Variants in KANSL1 observed in about 807,000 individuals in gnomAD.
The protein encoded by KANSL1 is KAT8 regulatory NSL complex subunit 1.
Under a neutral mutation model 103.6 loss-of-function variants are expected in KANSL1, and 22 were observed. The ratio of observed to expected loss-of-function variants is 0.21; its 90% CI spans 0.15 to 0.30. The LOEUF is 0.30. Ranked by LOEUF, KANSL1 falls within the 10% of genes least tolerant of loss-of-function variation. The pLI is 1.00. For synonymous variants in KANSL1, 600 were observed against 527.6 expected (o/e 1.14, Z -1.88); for missense variants, 1,337 against 1,399.8 (o/e 0.96, Z 0.72).
intron 13 of KANSL1, 162 bp downstream of exon 13, chr17:46,032,918 T>C: frequency 1.6e-6 from 1 of 610,856 alleles, no homozygotes; most frequent in East Asian, 2.8e-5. Flanking sequence ...TCTCCACTAG[T>C]TCCAACAAAC....
Position 46,104,594 on chromosome 17 carries a change from C to CA in KANSL1, c.1290-9894dup, listed in dbSNP as rs551393564. On this transcript the variant is annotated intron_variant, in intron 2 of 14. Coordinates refer to ENST00000432791, the MANE Select transcript of KANSL1 (RefSeq NM_015443.4). ...CACATGTAGTTTACAAGTAAATTTG[C>CA]AAAAAATATAAACAATATGAGAGAG... Among the ~76,000 whole-genome samples, 30 of 152,168 alleles carry CA rather than the reference C, an allele frequency of 2.0e-4. 1 individual carries two copies. In the East Asian group the frequency reaches 5.6e-3, roughly 28 times the overall value.
chr17:46,151,191 C>T (rs2045078900), intron 2 of KANSL1, among the ~76,000 whole-genome samples: 1 of 152,200 alleles, frequency 6.6e-6, no homozygotes, highest in African/African-American at 2.4e-5. Flanking sequence ...AACAACGATG[C>T]TTACAACAGC....
intron 1 of KANSL1, among the ~76,000 whole-genome samples, chr17:46,219,104 TA>T (rs1189250149): frequency 2.7e-5 from 4 of 147,862 alleles, no homozygotes; most frequent in Admixed American, 6.7e-5. Flanking sequence ...CTACTAAAAA[TA>T]AAAAAAAAAT....
chr17:46,213,355 T>G (rs886184087), intron 1 of KANSL1, among the ~76,000 whole-genome samples: 2 of 152,020 alleles, frequency 1.3e-5, no homozygotes, highest in Non-Finnish European at 2.9e-5. Context: ...GGCTGGAGAG[T>G]AGTGGCGTGA....
intron 2 of KANSL1, among the ~76,000 whole-genome samples, chr17:46,147,856 C>A (rs2044815500): frequency 1.3e-5 from 2 of 152,138 alleles, no homozygotes; most frequent in South Asian, 4.1e-4. Flanking sequence ...ACAGGCAAAA[C>A]CCTTGAAAGG....
chr17:46,069,981 C>A (rs1173828374), intron 4 of KANSL1, among the ~76,000 whole-genome samples: 3 of 152,006 alleles, frequency 2.0e-5, no homozygotes, highest in African/African-American at 4.8e-5. Flanking sequence ...TCAAAAATTA[C>A]AGTAAATCTG....
chr17:46,045,969 T>TC (rs1205879470), intron 7 of KANSL1: 1 of 152,152 alleles, frequency 6.6e-6, no homozygotes, highest in Non-Finnish European at 1.5e-5. Context: ...ACTATACAAT[T>TC]CAACACAGTA....
chr17:46,211,942 T>C (rs1276692374), intron 1 of KANSL1, among the ~76,000 whole-genome samples: 1 of 152,206 alleles, frequency 6.6e-6, no homozygotes, highest in Non-Finnish European at 1.5e-5. Context: ...GAGGTTAACA[T>C]CTTAACAGAT....
rs539976549 is a variant in KANSL1 at position 46,038,662 on chromosome 17, C to T, written c.2417G>A (p.Ser806Asn). 4 of 1,614,160 alleles carry T rather than the reference C, an allele frequency of 2.5e-6. No individual in the cohort carries two copies. Among genetic ancestry groups the T allele is most frequent in the African/African-American group, 2.7e-5 (2 of 75,044 alleles). ...GGTGGCTGCCAAGTAGCTCGAACTG[C>T]TCATGTCTGTGTGATGCTTCAACAC... ...SEVLKHHTDM[S>N]SSSYLAATHH... Residue 806 changes from serine (S) to asparagine (N), a missense_variant, in exon 10 of 15, where the codon AGC becomes AAC. Ser to Asn is a conservative substitution (Grantham distance 46). Around this residue, in one of 2 missense-constraint regions of KANSL1, gnomAD observed 780 missense variants for 923.4 expected, o/e 0.84. Coordinates refer to ENST00000432791, the MANE Select transcript of KANSL1 (RefSeq NM_015443.4).
intron 2 of KANSL1, chr17:46,170,396 T>C (rs1044425192): frequency 6.4e-5 from 11 of 171,154 alleles, no homozygotes; most frequent in Non-Finnish European, 1.3e-4. Flanking sequence ...GAAGACTGGG[T>C]GTGCTCTCTG....
chr17:46,164,183 A>G (rs1597850659), intron 2 of KANSL1, among the ~76,000 whole-genome samples: 1 of 152,254 alleles, frequency 6.6e-6, no homozygotes, highest in African/African-American at 2.4e-5. Context: ...CACTACCATA[A>G]AAGAGTACGT....
chr17:46,197,507 G>A, upstream of KANSL1, among the ~76,000 whole-genome samples: 1 of 152,364 alleles, frequency 6.6e-6, no homozygotes, highest in Admixed American at 6.5e-5. Context: ...GCCAAGCATG[G>A]TGGTGCACGC....
chr17:46,129,721 G>GT (rs1353762268), intron 2 of KANSL1, among the ~76,000 whole-genome samples: 3 of 152,052 alleles, frequency 2.0e-5, no homozygotes, highest in African/African-American at 7.2e-5. Context: ...TTGCAAAATT[G>GT]TAAGATTATA....
At chr17:46,192,184 T>TTATCGTATGGAAAACAAAC (rs1395462895) in intron 1 of KANSL1, among the ~76,000 whole-genome samples, 2 of 152,252 alleles carry the variant, frequency 1.3e-5, no homozygotes, top group East Asian at 1.9e-4. Context: ...GTAGCGCTGT[T>TTATCGTATGGAAAACAAAC]TATCGTATGG....
intron 7 of KANSL1, among the ~76,000 whole-genome samples, chr17:46,046,377 T>G (rs920539106): frequency 4.0e-5 from 6 of 151,138 alleles, no homozygotes; most frequent in African/African-American, 1.2e-4. Flanking sequence ...CTACTAAAAA[T>G]GCAAAAAATT....
intron 6 of KANSL1, among the ~76,000 whole-genome samples, chr17:46,064,508 T>C (rs1227071516): frequency 6.6e-6 from 1 of 152,088 alleles, no homozygotes; most frequent in Non-Finnish European, 1.5e-5. Flanking sequence ...TTCACCTTTC[T>C]CCCTCTACCA....
chr17:46,084,169 G>A (rs563664771), intron 3 of KANSL1, among the ~76,000 whole-genome samples: 18 of 144,170 alleles, frequency 1.2e-4, no homozygotes, highest in African/African-American at 3.9e-4. Context: ...ACCTGAGGTC[G>A]TCAGGAGTTC....
intron 2 of KANSL1, among the ~76,000 whole-genome samples, chr17:46,110,703 T>G (rs2042765513): frequency 6.6e-6 from 1 of 152,176 alleles, no homozygotes; most frequent in South Asian, 2.1e-4. Flanking sequence ...TTGTCAAATA[T>G]ATGCTATTTA....
rs1459158836 is a variant in KANSL1 at position 46,094,703 on chromosome 17, T to TA, written c.1290-3dup. ...CATTTCCATTCTGACCTGCGTCTCC[T>TA]AAAAGGAAATAAACTGAGTGAAATC... is the stretch of plus-strand genomic sequence containing the variant. On this transcript the variant is annotated splice_region_variant and splice_polypyrimidine_tract_variant and intron_variant, in intron 2 of 14. Coordinates refer to ENST00000432791, the MANE Select transcript of KANSL1 (RefSeq NM_015443.4). 1 of 1,614,118 alleles carries TA rather than the reference T, an allele frequency of 6.2e-7. No homozygotes were observed. The highest frequency in any genetic ancestry group is 1.7e-5 in the Admixed American group (1 of 60,010).
Sources: allele counts gnomAD v4.1 joint callset (sites outside exome capture counted in the v4.1 genomes callset), GRCh38; gene constraint gnomAD v4.1.1; regional missense constraint gnomAD v4.1.1; transcripts MANE v1.5; gene names NCBI Gene and HGNC (gene_info 2026-07-23, HGNC 2026-07-21).